The following STAC2 variants were observed in gnomAD, a reference collection of about 807,000 sequenced individuals.
STAC2 encodes the protein SH3 and cysteine rich domain 2, also known as SH3 and cysteine-rich domain-containing protein 2.
In STAC2, 36 loss-of-function variants were observed where a neutral mutation model predicts 49.0. The observed-to-expected ratio is 0.74, with a 90% CI of 0.56 to 0.97. The LOEUF (loss-of-function observed/expected upper bound fraction) is 0.97, where lower values mean the gene tolerates loss of function less well. Ranked by LOEUF, STAC2 falls within the 50% of genes least tolerant of loss-of-function variation. STAC2 has a pLI of 0.00. For synonymous variants in STAC2, 239 were observed against 214.7 expected, an observed-to-expected ratio of 1.11 and a Z score of -0.99; for missense variants, 527 against 543.8, an observed-to-expected ratio of 0.97 and a Z score of 0.31.
At chr17:39,214,180 A>G in intron 8 of STAC2, 53 bp downstream of exon 8, 1 of 1,594,610 alleles carries the variant, frequency 6.3e-7, no homozygotes, top group Non-Finnish European at 8.6e-7. Context: ...CTGTGTTTCA[A>G]GGTCTGGGAG....
intron 10 of STAC2, 94 bp downstream of exon 10, chr17:39,212,901 C>A: frequency 6.5e-7 from 1 of 1,542,338 alleles, no homozygotes; most frequent in Non-Finnish European, 8.7e-7. Flanking sequence ...GATCAGCCTC[C>A]TCCTGCAGAG....
At chr17:39,214,111 T>A in intron 8 of STAC2, 122 bp downstream of exon 8, 1 of 1,128,160 alleles carries the variant, frequency 8.9e-7, no homozygotes, top group Non-Finnish European at 1.3e-6. Context: ...CAGTTCCAGC[T>A]CCTGTCTGGG....
Position 39,217,729 on chromosome 17 carries a change from A to G in STAC2, c.397+138T>C, listed in dbSNP as rs2046418184. 51 of 895,766 alleles carry G rather than the reference A, an allele frequency of 5.7e-5. 1 individual carries two copies. In the South Asian group the frequency reaches 8.8e-4, roughly 15 times the overall value. 55.5% of individuals were successfully genotyped at this position (895,766 alleles called of 1,614,324 possible). On this transcript the variant is annotated intron_variant, in intron 2 of 10. Coordinates refer to ENST00000333461, the MANE Select transcript of STAC2 (RefSeq NM_198993.5). Reference sequence around the variant, plus strand: ...CAGAGCAAGACTCTGTCTCAAAAAAAAAAAGAGGCACAGAGGCACAATTAG... The same window carrying G: ...CAGAGCAAGACTCTGTCTCAAAAAAGAAAAGAGGCACAGAGGCACAATTAG...
At chr17:39,222,345 G>A (rs868012170) in intron 1 of STAC2, among the ~76,000 whole-genome samples, 33 of 152,300 alleles carry the variant, frequency 2.2e-4, no homozygotes, top group African/African-American at 7.9e-4. Context: ...CGACTCTGCC[G>A]GCCGACTCCC....
In STAC2 at chr17:39,225,832, G is replaced by T. The variant is rs1339257846; in HGVS notation, c.-330C>A. On this transcript the variant is annotated 5_prime_UTR_variant, in exon 1 of 11. Transcript: ENST00000333461. The surrounding 1 kb of genome is among the most constrained non-coding windows in gnomAD (Gnocchi z 8.2). The stretch of plus-strand genomic sequence containing the variant: ...GAGGGAGGGAGCCAAGGAGCTGTCC[G>T]TGTCCAGCCGGCTCCGCCGTCCGCT... 3.4e-6 allele frequency: 1 copy of T among 295,388 alleles called. No individual in the cohort carries two copies. Among genetic ancestry groups the T allele is most frequent in the Admixed American group, 5.5e-5 (1 of 18,130 alleles). 18.3% of individuals were successfully genotyped at this position (295,388 alleles called of 1,614,324 possible).
At chr17:39,220,899 C>A (rs1460229774) in intron 1 of STAC2, among the ~76,000 whole-genome samples, 1 of 151,358 alleles carries the variant, frequency 6.6e-6, no homozygotes, top group Non-Finnish European at 1.5e-5. Flanking sequence ...CGGGTACACG[C>A]CATTCTCCTG....
At chr17:39,215,289 C>A in intron 4 of STAC2, 59 bp from the exon 5 acceptor site, 4 of 1,570,490 alleles carry the variant, frequency 2.5e-6, no homozygotes, top group South Asian at 2.2e-5. Context: ...TCTCTAGTCC[C>A]GGCTCAGCAT....
intron 1 of STAC2, among the ~76,000 whole-genome samples, chr17:39,219,677 G>A (rs934206486): frequency 3.9e-5 from 6 of 152,184 alleles, no homozygotes; most frequent in African/African-American, 7.2e-5. Context: ...GGGCAGGGTC[G>A]ATTCTGCGGT....
chr17:39,224,701 C>G (rs1007464057), intron 1 of STAC2, among the ~76,000 whole-genome samples: 2 of 152,206 alleles, frequency 1.3e-5, no homozygotes, highest in Non-Finnish European at 2.9e-5. Flanking sequence ...CCTCTGGTCC[C>G]GCTCCCGTGG....
intron 1 of STAC2, among the ~76,000 whole-genome samples, chr17:39,218,723 T>C (rs1597735268): frequency 6.6e-6 from 1 of 151,448 alleles, no homozygotes; most frequent in Non-Finnish European, 1.5e-5. Flanking sequence ...AGTATTTTGT[T>C]GTATGGGTGT....
chr17:39,215,161 C>A lies in STAC2; in HGVS notation c.656G>T (p.Arg219Leu), dbSNP rs752253883. 2 of 1,614,032 alleles carry A rather than the reference C, an allele frequency of 1.2e-6. No individual in the cohort carries two copies. The highest frequency in any genetic ancestry group is 4.5e-5 in the East Asian group (2 of 44,876). The change falls in exon 5 of 11, where the codon CGC becomes CTC. Residue 219 changes from arginine to leucine, a missense_variant. Coordinates refer to ENST00000333461, the MANE Select transcript of STAC2 (RefSeq NM_198993.5). ...RYGTSLALMN[R>L]SSFSSTSESP... is the part of the protein sequence containing the mutation. ...CTCAGAGGTGCTGCTGAAACTGGAG[C>A]GGTTCATCAGTGCCAGGGAGGTGCC...
In STAC2 at chr17:39,213,450, GT is replaced by G. The variant is rs972698290; in HGVS notation, c.993+56del. On this transcript the variant is annotated intron_variant, in intron 9 of 10. Coordinates refer to ENST00000333461, the MANE Select transcript of STAC2 (RefSeq NM_198993.5). ...AAGGTGGGGGCAGTGCCCATTGGGG[GT>G]GGGGGCTGCTGGGGTGCCTACCAGT... 1.2e-5 allele frequency: 20 copies of G among 1,600,206 alleles called. No individual in the cohort carries two copies. The African/African-American group carries it at 2.3e-4, about 18-fold the overall frequency.
chr17:39,221,082 C>T (rs2046458319), intron 1 of STAC2, among the ~76,000 whole-genome samples: 1 of 151,098 alleles, frequency 6.6e-6, no homozygotes, highest in South Asian at 2.1e-4. Flanking sequence ...AGGCGTGAGC[C>T]ACCATGCCTG....
chr17:39,225,358 G>C lies in STAC2; in HGVS notation c.90+55C>G. ...CCCGGGCCCACAGGAGGACCCCGCC[G>C]GGAAGAGGGCGCCCGGGCCCGGGGC... On this transcript the variant is annotated intron_variant, in intron 1 of 10. Coordinates refer to ENST00000333461, the MANE Select transcript of STAC2 (RefSeq NM_198993.5). This position sits in a 1 kb window ranked among gnomAD's most constrained non-coding sequence, Gnocchi z 8.2. 1 of 1,496,236 alleles carries C rather than the reference G, an allele frequency of 6.7e-7. No individual in the cohort carries two copies. The highest frequency in any genetic ancestry group is 1.2e-5 in the South Asian group (1 of 84,056). The allele number at this position is 1,496,236 out of a possible 1,614,324, so 92.7% of individuals were successfully genotyped here.
chr17:39,214,379 C>A (rs1351477484), intron 7 of STAC2, 49 bp from the exon 8 acceptor site: 3 of 1,610,480 alleles, frequency 1.9e-6, no homozygotes, highest in African/African-American at 2.7e-5. Context: ...ACCCTCACTC[C>A]CCCCACTCTC....
chr17:39,215,057 G>C (rs779700487), intron 5 of STAC2, 34 bp from the exon 6 acceptor site: 2 of 1,613,732 alleles, frequency 1.2e-6, no homozygotes, highest in African/African-American at 1.3e-5. Context: ...CTCAGCCCCC[G>C]AGCCCACTGT....
At position 39,212,103 on chromosome 17, in the gene STAC2, T is replaced by C. The variant is rs1293216849; in HGVS notation, c.*189A>G. ...GCCAAGTCCCAGAGGATCAACCCAC[T>C]CAGGGCACCCCACCCAAGAAATAAA... On this transcript the variant is annotated 3_prime_UTR_variant, in exon 11 of 11. Transcript: ENST00000333461. 6 of 118,252 alleles carry C rather than the reference T, an allele frequency of 5.1e-5. No individual in the cohort carries two copies. The highest frequency in any genetic ancestry group is 2.2e-4 in the South Asian group (2 of 9,276). 7.3% of individuals were successfully genotyped at this position (118,252 alleles called of 1,614,324 possible). A position where few individuals can be genotyped will look rare whatever the true frequency, so the allele number is the denominator to read the frequency against.
chr17:39,216,611 C>CT (rs946364500), intron 4 of STAC2, among the ~76,000 whole-genome samples, 199 bp downstream of exon 4: 34 of 151,596 alleles, frequency 2.2e-4, no homozygotes, highest in Admixed American at 6.6e-4. Context: ...TGATTTCTTT[C>CT]TTTTTTTTTG....
In STAC2 at chr17:39,218,227, C is replaced by T. The variant is rs147078199; in HGVS notation, c.91-54G>A. ...GGAGCCTAGAGGGGGCTGGCCAGGG[C>T]GGGCTTCCCTTCAGGGTGTCTCTGG... On this transcript the variant is annotated intron_variant, in intron 1 of 10. Coordinates refer to ENST00000333461, the MANE Select transcript of STAC2 (RefSeq NM_198993.5). 1.2e-3 allele frequency: 1,994 copies of T among 1,598,320 alleles called. 1 individual carries two copies. Among genetic ancestry groups the T allele is most frequent in the Non-Finnish European group, 1.5e-3 (1,752 of 1,169,514 alleles).
Sources: allele counts gnomAD v4.1 joint callset (sites outside exome capture counted in the v4.1 genomes callset), GRCh38; gene constraint gnomAD v4.1.1; non-coding constraint Gnocchi (gnomAD v3.1); transcripts MANE v1.5; gene names NCBI Gene and HGNC (gene_info 2026-07-23, HGNC 2026-07-21).